GLB1: variants seen among roughly 807,000 people sequenced by gnomAD.
GLB1 encodes the protein beta-galactosidase.
A neutral mutation model predicts 74.0 loss-of-function variants in GLB1; 56 were observed. The observed-to-expected ratio is 0.76, with a 90% CI of 0.61 to 0.94. The LOEUF (loss-of-function observed/expected upper bound fraction) is 0.94, where lower values mean the gene tolerates loss of function less well. Ranked by LOEUF, GLB1 falls within the 40% of genes least tolerant of loss-of-function variation. The pLI is 0.00. For missense variants in GLB1, 787 were observed against 845.5 expected, an observed-to-expected ratio of 0.93 and a Z score of 0.86; for synonymous variants, 323 against 323.6, an observed-to-expected ratio of 1.00 and a Z score of 0.02.
At chr3:33,009,950 C>G (rs1696953305) in intron 15 of GLB1, among the ~76,000 whole-genome samples, 1 of 152,226 alleles carries the variant, frequency 6.6e-6, no homozygotes, top group Non-Finnish European at 1.5e-5. Flanking sequence ...GTACTCCATT[C>G]CTTTTTATTG....
At chr3:32,968,381 G>A in the GLB1 span, among the ~76,000 whole-genome samples, 1 of 152,138 alleles carries the variant, frequency 6.6e-6, no homozygotes, top group East Asian at 1.9e-4. Context: ...AAGGGCTACT[G>A]CACCCAGGAG....
At chr3:33,059,331 T>C (rs1167534364) in intron 5 of GLB1, among the ~76,000 whole-genome samples, 1 of 150,386 alleles carries the variant, frequency 6.6e-6, no homozygotes, top group Non-Finnish European at 1.5e-5. Context: ...GGTAATAAAA[T>C]TTCATGGTGG....
chr3:33,046,328 A>G lies in GLB1; in HGVS notation c.956-96T>C, dbSNP rs902102560. The G allele has an allele frequency of 1.1e-5, 15 of 1,414,674 alleles. No individual in the cohort carries two copies. The Admixed American group carries it at 1.9e-4, about 18-fold the overall frequency. The allele number at this position is 1,414,674 out of a possible 1,614,324, so 87.6% of individuals were successfully genotyped here. ...GAGCTCAGCACTGTAGAGAGAGAAA[A>G]CTAGAAGACACATTAAAACCACTTG... On this transcript the variant is annotated intron_variant, in intron 9 of 15. Coordinates refer to ENST00000307363, the MANE Select transcript of GLB1 (RefSeq NM_000404.4).
the GLB1 span, among the ~76,000 whole-genome samples, chr3:32,968,580 G>A: frequency 1.3e-5 from 2 of 152,204 alleles, no homozygotes; most frequent in Non-Finnish European, 2.9e-5. Context: ...TGTCAAATAA[G>A]AGAGTTCCTA....
chr3:33,030,799 G>A (rs899516336), intron 10 of GLB1: 46 of 985,300 alleles, frequency 4.7e-5, no homozygotes, highest in Middle Eastern at 5.2e-4. Flanking sequence ...GAACTCTTAC[G>A]TTGATGGAAT....
chr3:33,058,352 T>C, intron 5 of GLB1, 83 bp from the exon 6 acceptor site: 1 of 1,576,838 alleles, frequency 6.3e-7, no homozygotes, highest in Non-Finnish European at 8.6e-7. Flanking sequence ...GGAAAATATC[T>C]GAGCATCTGC....
intron 5 of GLB1, among the ~76,000 whole-genome samples, chr3:33,064,095 T>C (rs543582289): frequency 1.3e-5 from 2 of 152,308 alleles, no homozygotes; most frequent in Non-Finnish European, 2.9e-5. Flanking sequence ...ATCCCTGGGA[T>C]GTCCAGGATG....
At chr3:33,003,430 C>T (rs982384260) in intron 15 of GLB1, among the ~76,000 whole-genome samples, 1 of 152,204 alleles carries the variant, frequency 6.6e-6, no homozygotes, top group Non-Finnish European at 1.5e-5. Context: ...TTGAAGAAGA[C>T]CTTCTTTCAC....
At chr3:33,023,782 A>T (rs1044714407) in intron 11 of GLB1, among the ~76,000 whole-genome samples, 39 of 152,272 alleles carry the variant, frequency 2.6e-4, no homozygotes, top group Admixed American at 2.4e-3. Context: ...TAACGTATAA[A>T]CCACAGACCA....
At chr3:33,075,669 A>G (rs1559413549) in intron 1 of GLB1, among the ~76,000 whole-genome samples, 1 of 152,172 alleles carries the variant, frequency 6.6e-6, no homozygotes, top group African/African-American at 2.4e-5. Flanking sequence ...CAGGGAACCC[A>G]GGCATGGCAG....
At chr3:32,983,247 T>C in the GLB1 span, among the ~76,000 whole-genome samples, 1 of 152,208 alleles carries the variant, frequency 6.6e-6, no homozygotes, top group Non-Finnish European at 1.5e-5. Context: ...TGTTTAATCA[T>C]TTCACTTTAT....
At chr3:33,031,970 T>A (rs1698064457) in intron 10 of GLB1, among the ~76,000 whole-genome samples, 1 of 151,976 alleles carries the variant, frequency 6.6e-6, no homozygotes, top group Non-Finnish European at 1.5e-5. Context: ...CCTAATTTTT[T>A]AATTTTTAGT....
the GLB1 span, among the ~76,000 whole-genome samples, chr3:32,971,801 A>G: frequency 6.6e-6 from 1 of 151,838 alleles, no homozygotes; most frequent in African/African-American, 2.4e-5. Flanking sequence ...ACTCTAAGCC[A>G]CTCTTGGCAT....
chr3:33,000,270 C>G (rs1696503251), intron 15 of GLB1, among the ~76,000 whole-genome samples: 1 of 152,040 alleles, frequency 6.6e-6, no homozygotes, highest in Non-Finnish European at 1.5e-5. Context: ...GAGGGGAATG[C>G]TAGGAATGGA....
At chr3:33,087,591 A>G (rs865803393) in intron 1 of GLB1, among the ~76,000 whole-genome samples, 11,786 of 91,940 alleles carry the variant, frequency 0.13, 625 homozygotes, top group African/African-American at 0.14. Flanking sequence ...ACACACACAC[A>G]CACACACACA....
At chr3:33,030,792 C>G in intron 10 of GLB1, 1 of 985,408 alleles carries the variant, frequency 1.0e-6, no homozygotes, top group East Asian at 1.1e-4. Context: ...ATCAGCGGAA[C>G]TCTTACGTTG....
the GLB1 span, among the ~76,000 whole-genome samples, chr3:32,985,451 C>G: frequency 2.6e-5 from 4 of 151,496 alleles, no homozygotes; most frequent in Non-Finnish European, 5.9e-5. Context: ...TCACCACTCC[C>G]AGCTAATTTT....
chr3:32,971,928 C>T, the GLB1 span, among the ~76,000 whole-genome samples: 8 of 152,252 alleles, frequency 5.3e-5, no homozygotes, highest in African/African-American at 1.2e-4. Flanking sequence ...TAAAAACAAT[C>T]GAGCCATCCT....
At position 33,057,306 on chromosome 3, in the gene GLB1, C is replaced by G. The variant is rs561280856; in HGVS notation, c.733+783G>C. ...TGTTGCCACCAGGCTTCCTATACAG[C>G]CTGTGAGTCCATTAAACCTCTTTTC... On this transcript the variant is annotated intron_variant, in intron 6 of 15. Coordinates refer to ENST00000307363, the MANE Select transcript of GLB1 (RefSeq NM_000404.4). 5.9e-5 allele frequency among the ~76,000 whole-genome samples: 9 copies of G among 152,198 alleles called. 1 individual carries two copies. Among genetic ancestry groups the G allele is most frequent in the Non-Finnish European group, 1.3e-4 (9 of 68,042 alleles).
Sources: gnomAD v4.1 joint callset for allele counts (sites outside exome capture counted in the v4.1 genomes callset) on GRCh38, gnomAD v4.1.1 for gene constraint, MANE v1.5 for transcripts, NCBI Gene and HGNC (gene_info 2026-07-23, HGNC 2026-07-21) for gene names.